The following WASF3 variants were observed in gnomAD, a reference collection of about 807,000 sequenced individuals.
WASF3 encodes actin-binding protein WASF3.
A neutral mutation model predicts 46.6 loss-of-function variants in WASF3; 11 were observed. The ratio of observed to expected loss-of-function variants is 0.24; its 90% CI spans 0.15 to 0.39. The LOEUF (loss-of-function observed/expected upper bound fraction) is 0.39. WASF3 is among the 10% of genes least tolerant of loss of function. WASF3 has a pLI of 1.00. For missense variants in WASF3, 576 were observed against 669.8 expected, an observed-to-expected ratio of 0.86 and a Z score of 1.55; for synonymous variants, 242 against 259.7, an observed-to-expected ratio of 0.93 and a Z score of 0.65.
rs55708459 is a variant in WASF3, at chr13:26,610,749, T to C, written c.-108-2212T>C. Among the ~76,000 whole-genome samples, 1,356 of 152,232 alleles carry C rather than the reference T, an allele frequency of 8.9e-3. 10 individuals carry two copies. The highest frequency in any genetic ancestry group is 0.017 in the Middle Eastern group (5 of 294). ...ATGTATGGAAATAGAATTGGAGTGA[T>C]GGTGTTGCATAGAAGCATGCTTCCC... On this transcript the variant is annotated intron_variant, in intron 1 of 9. Coordinates refer to ENST00000335327, the MANE Select transcript of WASF3 (RefSeq NM_006646.6).
In WASF3 at chr13:26,667,436, A is replaced by G. The variant is rs1305759206; in HGVS notation, c.269-81A>G. 7.6e-6 allele frequency: 10 copies of G among 1,308,834 alleles called. No individual in the cohort carries two copies. The African/African-American group carries it at 1.4e-4, about 18-fold the overall frequency. 81.1% of individuals were successfully genotyped at this position (1,308,834 alleles called of 1,614,324 possible). ...TTGGTTGTTCTAGGAGGTGTTTTTA[A>G]TTGTGAGTCAAATGGTATTTACTTC... On this transcript the variant is annotated intron_variant, in intron 4 of 9. Coordinates refer to ENST00000335327, the MANE Select transcript of WASF3 (RefSeq NM_006646.6).
chr13:26,551,730 A>T, the WASF3 span, among the ~76,000 whole-genome samples: 4,920 of 152,254 alleles, frequency 0.032, 264 homozygotes, highest in African/African-American at 0.11. Context: ...TCAGACAGAA[A>T]GCCCAGGGCA....
At chr13:26,649,574 T>A (rs1217967581) in intron 3 of WASF3, among the ~76,000 whole-genome samples, 1 of 152,198 alleles carries the variant, frequency 6.6e-6, no homozygotes, top group Non-Finnish European at 1.5e-5. Flanking sequence ...ACAGAAAGCC[T>A]TGTGGGAACC....
At chr13:26,618,801 G>A (rs1881219088) in intron 2 of WASF3, 1 of 152,134 alleles carries the variant, frequency 6.6e-6, no homozygotes, top group African/African-American at 2.4e-5. Context: ...AGTTTTATTA[G>A]ATATAATTCT....
At chr13:26,564,215 AT>A (rs1239055180) in intron 1 of WASF3, among the ~76,000 whole-genome samples, 1 of 152,226 alleles carries the variant, frequency 6.6e-6, no homozygotes, top group East Asian at 1.9e-4. Context: ...AACAGGATAG[AT>A]TATCTTGCTA....
At position 26,688,686 on chromosome 13, in the gene WASF3, CAATTAA is replaced by C. The variant is rs1883485321; in HGVS notation, c.*2845_*2850del. The C allele has an allele frequency of 1.3e-5, 2 of 152,148 alleles. No homozygotes were observed. Among genetic ancestry groups the C allele is most frequent in the South Asian group, 4.1e-4 (2 of 4,836 alleles). The allele number at this position is 152,148 out of a possible 1,614,324, so 9.4% of individuals were successfully genotyped here. ...GTTGTAAAAGTTTTATAATAATTTG[CAATTAA>C]AATACATGATACATATTAATCCATT... On this transcript the variant is annotated 3_prime_UTR_variant, in exon 10 of 10. Coordinates refer to ENST00000335327, the MANE Select transcript of WASF3 (RefSeq NM_006646.6).
chr13:26,564,900 G>GTTTTTTTTTTTTTTTTTTTT (rs66809412), intron 1 of WASF3, among the ~76,000 whole-genome samples: 4 of 81,632 alleles, frequency 4.9e-5, no homozygotes, highest in African/African-American at 9.6e-5. Flanking sequence ...CAAGGTTGTG[G>GTTTTTTTTTTTTTTTTTTTT]TTTTTTTTTT....
intron 3 of WASF3, among the ~76,000 whole-genome samples, chr13:26,655,404 G>A (rs900714133): frequency 6.6e-6 from 1 of 152,166 alleles, no homozygotes; most frequent in East Asian, 1.9e-4. Flanking sequence ...GGAAGCTCAT[G>A]TGTCTGCTTG....
rs57999094 is a variant in WASF3 at position 26,633,664 on chromosome 13, G to A, written c.-10-8597G>A. On this transcript the variant is annotated intron_variant, in intron 2 of 9. Coordinates refer to ENST00000335327, the MANE Select transcript of WASF3 (RefSeq NM_006646.6). The stretch of plus-strand genomic sequence containing the variant: ...TTTCCCTCTACACACTGCTTTAAGT[G>A]TGTCCCAGAGATTCTGGTATTTGTG... Among the ~76,000 whole-genome samples the A allele has an allele frequency of 5.5e-3, 833 of 152,288 alleles. 11 individuals carry two copies. Among genetic ancestry groups the A allele is most frequent in the African/African-American group, 0.019 (797 of 41,554 alleles).
At chr13:26,678,263 AT>A (rs1017580376) in intron 7 of WASF3, among the ~76,000 whole-genome samples, 18 of 151,334 alleles carry the variant, frequency 1.2e-4, no homozygotes, top group African/African-American at 2.9e-4. Flanking sequence ...AGAAATTTTT[AT>A]TTTTTTTTAC....
At chr13:26,607,671 G>T (rs1426999753) in intron 1 of WASF3, among the ~76,000 whole-genome samples, 1 of 151,368 alleles carries the variant, frequency 6.6e-6, no homozygotes, top group Non-Finnish European at 1.5e-5. Context: ...TTGCTCTGTC[G>T]CCCAGACTGG....
rs1566075445 is a variant in WASF3 at position 26,682,831 on chromosome 13, C to T, written c.1208C>T (p.Pro403Leu). ...CCGCCACCCCCGGGCCCACCACCTC[C>T]CCCGCCAGGCCCTCCTGGTCCCGGG... is the stretch of plus-strand genomic sequence containing the variant. ...TAPPPPGPPP[P>L]PPGPPGPGSS... is the part of the protein sequence containing the mutation. Residue 403 changes from proline to leucine, a missense_variant, in exon 9 of 10, where the codon CCC becomes CTC. Physicochemically the swap from Pro to Leu is moderately conservative, Grantham distance 98. Transcript: ENST00000335327. This position sits in a 1 kb window ranked among gnomAD's most constrained non-coding sequence, Gnocchi z 4.4. The T allele has an allele frequency of 9.9e-6, 16 of 1,610,758 alleles. No individual in the cohort carries two copies. Among genetic ancestry groups the T allele is most frequent in the Non-Finnish European group, 1.3e-5 (15 of 1,179,826 alleles).
chr13:26,552,661 GTTA>G, the WASF3 span, among the ~76,000 whole-genome samples: 2 of 136,058 alleles, frequency 1.5e-5, no homozygotes, highest in Non-Finnish European at 1.6e-5. Flanking sequence ...AAAAATGACA[GTTA>G]TTATGCTTTT....
intron 1 of WASF3, among the ~76,000 whole-genome samples, chr13:26,583,977 C>T (rs1880057417): frequency 1.3e-5 from 2 of 152,216 alleles, no homozygotes; most frequent in Non-Finnish European, 2.9e-5. Flanking sequence ...TGTTTGGGCT[C>T]AGTGCATTGG....
chr13:26,673,681 T>TA (rs1437448663), intron 6 of WASF3, among the ~76,000 whole-genome samples: 1 of 152,234 alleles, frequency 6.6e-6, no homozygotes, highest in East Asian at 1.9e-4. Flanking sequence ...ATTTGGGGAT[T>TA]AAAAAACCCA....
At chr13:26,680,755 G>A (rs924783721) in intron 7 of WASF3, among the ~76,000 whole-genome samples, 6 of 152,052 alleles carry the variant, frequency 3.9e-5, no homozygotes, top group Non-Finnish European at 8.8e-5. Context: ...TAGAGAAAAC[G>A]TATGCTGAAA....
chr13:26,682,664 A>G lies in WASF3; in HGVS notation c.1041A>G (p.Pro347=), dbSNP rs150087220. ...YYNPSGPPPP[P]PPPVIPSAQT... ...ACCCATCCGGACCACCTCCTCCGCC[A>G]CCTCCTCCTGTGATTCCCTCAGCAC... is the stretch of plus-strand genomic sequence containing the variant. The change falls in exon 9 of 10, where the codon CCA becomes CCG. Residue 347 remains proline, a synonymous_variant. Transcript: ENST00000335327. The surrounding 1 kb of genome is among the most constrained non-coding windows in gnomAD (Gnocchi z 4.4). 3.8e-5 allele frequency: 62 copies of G among 1,613,710 alleles called. No homozygotes were observed. The African/African-American group carries it at 5.2e-4, about 14-fold the overall frequency.
intron 1 of WASF3, among the ~76,000 whole-genome samples, chr13:26,574,026 T>C (rs1039992493): frequency 2.0e-5 from 3 of 152,242 alleles, no homozygotes; most frequent in African/African-American, 7.2e-5. Context: ...TTTGTCCACC[T>C]CTCCTTACAG....
chr13:26,545,193 T>C, the WASF3 span, among the ~76,000 whole-genome samples: 1 of 152,184 alleles, frequency 6.6e-6, no homozygotes, highest in African/African-American at 2.4e-5. Context: ...TTTCTGCTGA[T>C]TTTCTTTCAC....
Sources: allele counts gnomAD v4.1 joint callset (sites outside exome capture counted in the v4.1 genomes callset), GRCh38; gene constraint gnomAD v4.1.1; non-coding constraint Gnocchi (gnomAD v3.1); transcripts MANE v1.5; gene names NCBI Gene and HGNC (gene_info 2026-07-23, HGNC 2026-07-21).